DNAH11: variants seen among roughly 807,000 people sequenced by gnomAD.
The protein encoded by DNAH11 is axonemal beta dynein heavy chain 11.
In DNAH11, 442 loss-of-function variants were observed where a neutral mutation model predicts 526.0. That is an observed-to-expected ratio of 0.84 (90% CI 0.78 to 0.91). DNAH11 has a LOEUF of 0.91. Ranked by LOEUF, DNAH11 falls within the 40% of genes least tolerant of loss-of-function variation. DNAH11 has a pLI of 0.00. For missense variants in DNAH11, 6,989 were observed against 5,448.7 expected (o/e 1.28, Z -8.90); for synonymous variants, 2,461 against 1,935.9 (o/e 1.27, Z -7.12).
chr7:21,721,006 G>T lies in DNAH11; in HGVS notation c.7266+150G>T, dbSNP rs144684210. 87 of 1,030,042 alleles carry T rather than the reference G, an allele frequency of 8.4e-5. 2 individuals carry two copies. The African/African-American group carries it at 1.4e-3, about 17-fold the overall frequency. The allele number at this position is 1,030,042 out of a possible 1,614,324, so 63.8% of individuals were successfully genotyped here. On this transcript the variant is annotated intron_variant, in intron 44 of 81. Transcript: ENST00000409508. ...TCTCCTAAGTCTATGCATTCTCTGG[G>T]TAGTCCCATCCCTGATGGTTCTAAC...
intron 55 of DNAH11, among the ~76,000 whole-genome samples, chr7:21,765,957 G>A (rs528405640): frequency 3.9e-5 from 6 of 152,206 alleles, no homozygotes; most frequent in African/African-American, 1.2e-4. Flanking sequence ...CAAACTAAAA[G>A]CCCAAACAGA....
intron 28 of DNAH11, among the ~76,000 whole-genome samples, chr7:21,647,501 C>G (rs1057250899): frequency 2.0e-5 from 3 of 146,712 alleles, no homozygotes; most frequent in African/African-American, 7.6e-5. Context: ...CTGATCTCGG[C>G]TCACTGCAGG....
intron 63 of DNAH11, among the ~76,000 whole-genome samples, chr7:21,813,771 A>G (rs969943267): frequency 2.0e-5 from 3 of 152,184 alleles, no homozygotes; most frequent in African/African-American, 7.2e-5. Context: ...TTAATAGAGC[A>G]ATTAGATGGA....
chr7:21,817,864 A>G (rs1293091346), intron 64 of DNAH11, among the ~76,000 whole-genome samples: 1 of 152,220 alleles, frequency 6.6e-6, no homozygotes, highest in African/African-American at 2.4e-5. Context: ...AAAGCATTTA[A>G]TACATGAAAC....
intron 53 of DNAH11, 28 bp downstream of exon 53, chr7:21,749,829 G>T: frequency 6.2e-7 from 1 of 1,611,524 alleles, no homozygotes; most frequent in South Asian, 1.1e-5. Context: ...TTTCTTGAAA[G>T]ATCTTCCCCA....
At chr7:21,683,476 A>G (rs1231079611) in intron 31 of DNAH11, among the ~76,000 whole-genome samples, 1 of 152,098 alleles carries the variant, frequency 6.6e-6, no homozygotes, top group Non-Finnish European at 1.5e-5. Flanking sequence ...ATCTGACTTC[A>G]GTGATATGAG....
At chr7:21,871,918 C>G (rs909262225) in intron 73 of DNAH11, among the ~76,000 whole-genome samples, 1 of 151,536 alleles carries the variant, frequency 6.6e-6, no homozygotes, top group Admixed American at 6.6e-5. Flanking sequence ...GTCAGGAGAT[C>G]GAGACCATCC....
chr7:21,696,201 T>C (rs1161639093), intron 35 of DNAH11, among the ~76,000 whole-genome samples: 1 of 149,838 alleles, frequency 6.7e-6, no homozygotes, highest in South Asian at 2.1e-4. Context: ...GTGATCTCTT[T>C]CCGTTCTTTC....
intron 79 of DNAH11, among the ~76,000 whole-genome samples, chr7:21,895,796 C>T (rs186713581): frequency 6.6e-6 from 1 of 152,286 alleles, no homozygotes; most frequent in East Asian, 1.9e-4. Flanking sequence ...GTGGCGCGAT[C>T]TCGGCTCACT....
At chr7:21,632,997 C>A (rs1786687755) in intron 25 of DNAH11, among the ~76,000 whole-genome samples, 1 of 152,178 alleles carries the variant, frequency 6.6e-6, no homozygotes, top group African/African-American at 2.4e-5. Flanking sequence ...GCCTCACAAT[C>A]ATGGTGGAAG....
In DNAH11 at chr7:21,853,765, CATAAAG is replaced by C. The variant is rs548887025; in HGVS notation, c.11062-544_11062-539del. Among the ~76,000 whole-genome samples, 14 of 152,240 alleles carry C rather than the reference CATAAAG, an allele frequency of 9.2e-5. No individual in the cohort carries two copies. In the East Asian group the frequency reaches 2.7e-3, roughly 29 times the overall value. ...CTCTGAATGTACCCAGAGGCTAATA[CATAAAG>C]ATAAACTAAATGGAAATATATGGAC... On this transcript the variant is annotated intron_variant, in intron 67 of 81. Transcript: ENST00000409508.
Position 21,590,950 on chromosome 7 carries a change from T to C in DNAH11, c.2202T>C (p.Leu734=), listed in dbSNP as rs573185810. The change falls in exon 13 of 82, where the codon CTT becomes CTC. Residue 734 remains leucine, a synonymous_variant. Transcript: ENST00000409508. ...CTGTATTGAGAGAAGTGAAATATCT[T>C]TTGATGTTGAAGAAACAAGACATAC... ...LVAVLREVKY[L]LMLKKQDIPD... is the part of the protein sequence containing the mutation. 23 of 1,504,008 alleles carry C rather than the reference T, an allele frequency of 1.5e-5. No individual in the cohort carries two copies. The African/African-American group carries it at 2.5e-4, about 16-fold the overall frequency. The allele number at this position is 1,504,008 out of a possible 1,614,324, so 93.2% of individuals were successfully genotyped here.
intron 54 of DNAH11, among the ~76,000 whole-genome samples, chr7:21,755,968 A>G (rs548447218): frequency 4.6e-5 from 7 of 152,220 alleles, no homozygotes; most frequent in Non-Finnish European, 8.8e-5. Context: ...TGTTATTTAT[A>G]TGTCCAGAAT....
At chr7:21,691,528 A>C (rs969426052) in intron 35 of DNAH11, among the ~76,000 whole-genome samples, 1 of 152,156 alleles carries the variant, frequency 6.6e-6, no homozygotes, top group Non-Finnish European at 1.5e-5. Flanking sequence ...CCTGGTCCAG[A>C]ATCTTTCATA....
Position 21,711,769 on chromosome 7 carries a change from T to C in DNAH11, c.6892T>C (p.Phe2298Leu), listed in dbSNP as rs1784472933. ...ACTCACTCCCTTCATGAGGCTTCTG[T>C]TTGAGATACATCACTTAAGGAGCGC... is the stretch of plus-strand genomic sequence containing the variant. ...IALTPFMRLL[F>L]EIHHLRSATP... The change falls in exon 42 of 82, where the codon TTT (phenylalanine) becomes CTT (leucine). Residue 2298 changes from phenylalanine to leucine, a missense_variant. Phe to Leu is a conservative substitution (Grantham distance 22, BLOSUM62 0). Coordinates refer to ENST00000409508, the MANE Select transcript of DNAH11 (RefSeq NM_001277115.2). The C allele has an allele frequency of 3.1e-5, 50 of 1,613,760 alleles. No homozygotes were observed. The highest frequency in any genetic ancestry group is 4.2e-5 in the Non-Finnish European group (49 of 1,179,822).
intron 75 of DNAH11, among the ~76,000 whole-genome samples, chr7:21,882,029 A>G (rs1282572681): frequency 6.6e-6 from 1 of 152,232 alleles, no homozygotes; most frequent in Admixed American, 6.5e-5. Context: ...TTTTGTCTAA[A>G]CTATTGCACA....
intron 30 of DNAH11, among the ~76,000 whole-genome samples, chr7:21,680,612 T>A (rs1583588476): frequency 6.6e-6 from 1 of 152,208 alleles, no homozygotes; most frequent in African/African-American, 2.4e-5. Context: ...GATACCGTAT[T>A]TTCTATTCCA....
intron 3 of DNAH11, 23 bp from the exon 4 acceptor site, chr7:21,559,580 T>C (rs748215520): frequency 5.2e-6 from 8 of 1,541,786 alleles, no homozygotes; most frequent in Non-Finnish European, 7.0e-6. Flanking sequence ...CTTTGAATTA[T>C]TTTATTATCT....
intron 8 of DNAH11, among the ~76,000 whole-genome samples, chr7:21,581,049 C>A (rs968065244): frequency 6.6e-6 from 1 of 152,136 alleles, no homozygotes; most frequent in African/African-American, 2.4e-5. Context: ...ATATTTAGAA[C>A]AGAATTACTC....
Sources: gnomAD v4.1 joint callset for allele counts (sites outside exome capture counted in the v4.1 genomes callset) on GRCh38, gnomAD v4.1.1 for gene constraint, MANE v1.5 for transcripts, NCBI Gene and HGNC (gene_info 2026-07-23, HGNC 2026-07-21) for gene names.